Variants in PML observed in about 807,000 individuals in gnomAD.
PML encodes the protein PML nuclear body scaffold.
PML carries 28 observed loss-of-function variants against 65.2 expected under a neutral mutation model. That is an observed-to-expected ratio of 0.43 (90% CI 0.32 to 0.59). The LOEUF (loss-of-function observed/expected upper bound fraction) is 0.59. Ranked by LOEUF, PML falls within the 20% of genes least tolerant of loss-of-function variation. The pLI is 0.08. For synonymous variants in PML, 500 were observed against 508.8 expected (o/e 0.98, Z 0.23); for missense variants, 1,021 against 1,203.4 (o/e 0.85, Z 2.24).
Position 74,046,509 on chromosome 15 carries a change from G to A in PML, c.*1501G>A, listed in dbSNP as rs150558225. ...CCCTGAAGACCCACTGAGGAATTCC[G>A]TAGGGTCTTGTTCCCACGACCGGAG... On this transcript the variant is annotated 3_prime_UTR_variant, in exon 9 of 9. Transcript: ENST00000268058. 9.4e-4 allele frequency: 219 copies of A among 232,648 alleles called. 1 individual carries two copies. The highest frequency in any genetic ancestry group is 4.3e-3 in the African/African-American group (197 of 45,442). The allele number at this position is 232,648 out of a possible 1,614,324, so 14.4% of individuals were successfully genotyped here.
Position 73,998,201 on chromosome 15 carries a change from CGA to C in PML, c.331_332del (p.Leu112AlafsTer30). ...DTPALDNVFF[E>X]SLQRRLSVYR... is the part of the protein sequence containing the mutation. ...CACCCGCCCTGGATAACGTCTTTTT[CGA>C]GAGTCTGCAGCGGCGCCTGTCGGTG... On this transcript the variant is annotated frameshift_variant, in exon 2 of 9. Transcript: ENST00000268058. LOFTEE classifies it high-confidence loss of function. 6.2e-7 allele frequency: 1 copy of C among 1,614,208 alleles called. No homozygotes were observed. The highest frequency in any genetic ancestry group is 8.5e-7 in the Non-Finnish European group (1 of 1,180,030).
chr15:74,024,602 A>G (rs1465898180), intron 3 of PML, among the ~76,000 whole-genome samples: 1 of 152,178 alleles, frequency 6.6e-6, no homozygotes, highest in African/African-American at 2.4e-5. Flanking sequence ...AGAGAGGTAC[A>G]CTTGGGGTTT....
At chr15:74,033,079 T>A in intron 5 of PML, 77 bp from the exon 6 acceptor site, 4 of 1,528,644 alleles carry the variant, frequency 2.6e-6, no homozygotes, top group Non-Finnish European at 3.6e-6. Context: ...TGGCCACAAG[T>A]CCCTGGCAGT....
chr15:74,018,890 G>A lies in PML; in HGVS notation c.603-3938G>A, dbSNP rs530697236. 2.6e-5 allele frequency among the ~76,000 whole-genome samples: 4 copies of A among 152,264 alleles called. No homozygotes were observed. In the South Asian group the frequency reaches 6.2e-4, roughly 24 times the overall value. ...ACGGTTAAGTCTGGGTTCTTGTCAC[G>A]GAGCCCTTCTGGGCAGTTTCCCACT... On this transcript the variant is annotated intron_variant, in intron 2 of 8. Transcript: ENST00000268058.
chr15:74,037,393 G>A lies in PML; in HGVS notation c.1710+2863G>A, dbSNP rs2071594721. On this transcript the variant is annotated intron_variant, in intron 7 of 8. Coordinates refer to ENST00000268058, the MANE Select transcript of PML (RefSeq NM_033238.3). The surrounding 1 kb of genome is among the most constrained non-coding windows in gnomAD (Gnocchi z 4.2). ...ACCCTGTGTCCTGGCCCCAGCCCTT[G>A]ACCCCCTGGGAGCCTCACTCCTCCT... is the stretch of plus-strand genomic sequence containing the variant. 1.0e-6 allele frequency: 1 copy of A among 985,336 alleles called. No homozygotes were observed. Among genetic ancestry groups the A allele is most frequent in the Non-Finnish European group, 1.2e-6 (1 of 829,890 alleles). The allele number at this position is 985,336 out of a possible 1,614,324, so 61.0% of individuals were successfully genotyped here.
chr15:74,002,231 C>T (rs1265959094), intron 2 of PML, among the ~76,000 whole-genome samples: 3 of 151,852 alleles, frequency 2.0e-5, no homozygotes, highest in Non-Finnish European at 4.4e-5. Context: ...TAGGATATTC[C>T]TTGGACTCAC....
In PML at chr15:74,037,736, C is replaced by G; in HGVS notation, c.1710+3206C>G. The G allele has an allele frequency of 1.0e-6, 1 of 984,292 alleles. No homozygotes were observed. Among genetic ancestry groups the G allele is most frequent in the Non-Finnish European group, 1.2e-6 (1 of 828,914 alleles). 61.0% of individuals were successfully genotyped at this position (984,292 alleles called of 1,614,324 possible). A position where few individuals can be genotyped will look rare whatever the true frequency, so the allele number is the denominator to read the frequency against. Reference sequence around the variant, plus strand: ...CTCGGATGCAGCTCTGGGCACTCCTCCCTCTCCTCTGCAGGCTCTGTTTTT... The same window carrying G: ...CTCGGATGCAGCTCTGGGCACTCCTGCCTCTCCTCTGCAGGCTCTGTTTTT... On this transcript the variant is annotated intron_variant, in intron 7 of 8. Transcript: ENST00000268058. This position sits in a 1 kb window ranked among gnomAD's most constrained non-coding sequence, Gnocchi z 4.2.
In PML at chr15:74,035,982, C is replaced by G. The variant is rs753322191; in HGVS notation, c.1710+1452C>G. 25 of 1,614,094 alleles carry G rather than the reference C, an allele frequency of 1.5e-5. No individual in the cohort carries two copies. The highest frequency in any genetic ancestry group is 2.1e-5 in the Non-Finnish European group (25 of 1,180,040). Reference sequence around the variant, plus strand: ...CTACCCTTCTCTTGTAACCTTGCAGCCAACACCCCTGCCCGGCCCCTGAGC... The same window carrying G: ...CTACCCTTCTCTTGTAACCTTGCAGGCAACACCCCTGCCCGGCCCCTGAGC... On this transcript the variant is annotated intron_variant, in intron 7 of 8. Transcript: ENST00000268058. This position sits in a 1 kb window ranked among gnomAD's most constrained non-coding sequence, Gnocchi z 4.1.
intron 2 of PML, among the ~76,000 whole-genome samples, chr15:74,010,424 G>A (rs547357982): frequency 6.6e-6 from 1 of 151,100 alleles, no homozygotes; most frequent in South Asian, 2.1e-4. Flanking sequence ...GACTGAGGTG[G>A]GAGGATCACT....
chr15:74,017,883 CG>C (rs2070665811), intron 2 of PML, among the ~76,000 whole-genome samples: 1 of 152,084 alleles, frequency 6.6e-6, no homozygotes, highest in Non-Finnish European at 1.5e-5. Context: ...GGCCTGAAAT[CG>C]CAGCACTTTT....
chr15:74,036,412 T>C, intron 7 of PML: 1 of 1,312,030 alleles, frequency 7.6e-7, no homozygotes, highest in Non-Finnish European at 9.8e-7. Context: ...GAACCCTTAT[T>C]CCACGACCAT....
chr15:74,015,454 G>T (rs1407545068), intron 2 of PML, among the ~76,000 whole-genome samples: 1 of 152,172 alleles, frequency 6.6e-6, no homozygotes, highest in Non-Finnish European at 1.5e-5. Flanking sequence ...AGAGTTTTTG[G>T]TCACCATTCA....
intron 2 of PML, among the ~76,000 whole-genome samples, chr15:74,013,938 G>C (rs905830664): frequency 6.6e-6 from 1 of 152,104 alleles, no homozygotes; most frequent in African/African-American, 2.4e-5. Context: ...GTATTGTTAT[G>C]AAAGTCAATG....
chr15:74,009,679 TG>T (rs1459696052), intron 2 of PML, among the ~76,000 whole-genome samples: 2 of 149,074 alleles, frequency 1.3e-5, no homozygotes, highest in East Asian at 4.1e-4. Flanking sequence ...GGCACAGTCA[TG>T]GCTTGCGGCA....
Position 74,044,427 on chromosome 15 carries a change from G to T in PML, c.2068G>T (p.Ala690Ser), listed in dbSNP as rs751842032. 1.2e-6 allele frequency: 2 copies of T among 1,614,072 alleles called. No homozygotes were observed. Among genetic ancestry groups the T allele is most frequent in the South Asian group, 2.2e-5 (2 of 91,080 alleles). ...GCCTGGCCTCCCAAACTTCTTCCGG[G>T]CCCTGGAGGACATTAACAGGCTGTG... The part of the protein sequence containing the change: ...WGPGLPNFFR[A>S]LEDINRLWEF... Residue 690 changes from alanine to serine, a missense_variant, in exon 9 of 9, where the codon GCC becomes TCC. Coordinates refer to ENST00000268058, the MANE Select transcript of PML (RefSeq NM_033238.3).
chr15:73,997,257 C>T (rs145418511), intron 1 of PML, among the ~76,000 whole-genome samples: 6 of 152,302 alleles, frequency 3.9e-5, no homozygotes, highest in African/African-American at 1.2e-4. Flanking sequence ...GTTTTCCTTT[C>T]GATTTAGTTC....
rs1348038755 is a variant in PML at position 74,044,657 on chromosome 15, C to T, written c.2298C>T (p.Ala766=). The change falls in exon 9 of 9, where the codon GCC becomes GCT. Residue 766 remains alanine (A), a synonymous_variant. Coordinates refer to ENST00000268058, the MANE Select transcript of PML (RefSeq NM_033238.3). ...LLEVSPGPQL[A]QHVYPFSSLQ... ...AGGTCTCCCCGGGCCCCCAGCTGGC[C>T]CAGCATGTCTACCCCTTCAGTAGCC... is the stretch of plus-strand genomic sequence containing the variant. 2 of 1,605,744 alleles carry T rather than the reference C, an allele frequency of 1.2e-6. No homozygotes were observed. The highest frequency in any genetic ancestry group is 1.1e-5 in the South Asian group (1 of 91,086).
chr15:74,042,774 C>T lies in PML; in HGVS notation c.1711-215C>T. 1 of 985,158 alleles carries T rather than the reference C, an allele frequency of 1.0e-6. No homozygotes were observed. The highest frequency in any genetic ancestry group is 1.2e-6 in the Non-Finnish European group (1 of 829,756). The allele number at this position is 985,158 out of a possible 1,614,324, so 61.0% of individuals were successfully genotyped here. On this transcript the variant is annotated intron_variant, in intron 7 of 8. Coordinates refer to ENST00000268058, the MANE Select transcript of PML (RefSeq NM_033238.3). The surrounding 1 kb of genome is among the most constrained non-coding windows in gnomAD (Gnocchi z 5.3). ...CCTCCCCTACTCATGAGGGTGTATGCCCTGGTTCATACATGTAACCCTCAC... is the reference window on the plus strand; with the variant it reads ...CCTCCCCTACTCATGAGGGTGTATGTCCTGGTTCATACATGTAACCCTCAC...
chr15:74,008,681 G>A (rs1478919622), intron 2 of PML, among the ~76,000 whole-genome samples: 1 of 151,630 alleles, frequency 6.6e-6, no homozygotes, highest in Non-Finnish European at 1.5e-5. Context: ...GGAGCTTGCA[G>A]TGAGCCAAGA....
Sources: allele counts gnomAD v4.1 joint callset (sites outside exome capture counted in the v4.1 genomes callset), GRCh38; gene constraint gnomAD v4.1.1; non-coding constraint Gnocchi (gnomAD v3.1); transcripts MANE v1.5; gene names NCBI Gene and HGNC (gene_info 2026-07-23, HGNC 2026-07-21).